Variants in ANK3 observed in about 807,000 individuals in gnomAD.
ANK3 encodes ankyrin-3.
In ANK3, 57 loss-of-function variants were observed where a neutral mutation model predicts 370.9. The ratio of observed to expected loss-of-function variants is 0.15; its 90% CI spans 0.12 to 0.19. The LOEUF is 0.19. Ranked by LOEUF, ANK3 falls within the 10% of genes least tolerant of loss-of-function variation. The pLI is 1.00. For missense variants in ANK3, 4,439 were observed against 5,302.1 expected (o/e 0.84, Z 5.06); for synonymous variants, 1,929 against 1,946.3 (o/e 0.99, Z 0.23).
intron 2 of ANK3, among the ~76,000 whole-genome samples, chr10:60,480,673 G>T (rs189021256): frequency 1.3e-5 from 2 of 152,254 alleles, no homozygotes; most frequent in South Asian, 2.1e-4. Context: ...CAGGGGGAAA[G>T]GTTTTCACAG....
chr10:60,425,174 T>A (rs1209896422), intron 2 of ANK3, among the ~76,000 whole-genome samples: 1 of 151,992 alleles, frequency 6.6e-6, no homozygotes, highest in Non-Finnish European at 1.5e-5. Context: ...TATATTCAGG[T>A]AGGAAGGCTG....
At chr10:60,474,873 G>A (rs1170239818) in intron 2 of ANK3, among the ~76,000 whole-genome samples, 1 of 151,952 alleles carries the variant, frequency 6.6e-6, no homozygotes, top group Admixed American at 6.6e-5. Flanking sequence ...TAAGTAGTGG[G>A]AATGTAGGAG....
intron 2 of ANK3, among the ~76,000 whole-genome samples, chr10:60,604,520 C>T (rs2078105078): frequency 6.6e-6 from 1 of 152,102 alleles, no homozygotes; most frequent in Admixed American, 6.6e-5. Flanking sequence ...TGATTGCTGG[C>T]TTGTGACAAA....
chr10:60,561,882 G>A (rs929956701), intron 2 of ANK3, among the ~76,000 whole-genome samples: 4 of 152,180 alleles, frequency 2.6e-5, no homozygotes, highest in African/African-American at 7.2e-5. Flanking sequence ...TTGTGTCTGA[G>A]CCCTAGCCTC....
chr10:60,532,844 G>C lies in ANK3; in HGVS notation c.96+82342C>G, dbSNP rs571642014. On this transcript the variant is annotated intron_variant, in intron 2 of 43. Coordinates refer to the ANK3 transcript ENST00000373827. Reference sequence around the variant, plus strand: ...GTGTAGGTGTCAGACAGACCTTTGAGCTGAGCAAGTTCTGCTGGGAAATGT... The same window carrying C: ...GTGTAGGTGTCAGACAGACCTTTGACCTGAGCAAGTTCTGCTGGGAAATGT... Among the ~76,000 whole-genome samples the C allele has an allele frequency of 7.2e-5, 11 of 152,178 alleles. No individual in the cohort carries two copies. The South Asian group carries it at 2.3e-3, about 32-fold the overall frequency.
At chr10:60,527,697 C>A (rs926471489) in intron 2 of ANK3, among the ~76,000 whole-genome samples, 1 of 152,138 alleles carries the variant, frequency 6.6e-6, no homozygotes, top group Non-Finnish European at 1.5e-5. Flanking sequence ...AGGAAATAAT[C>A]CCTGTACTTC....
intron 1 of ANK3, among the ~76,000 whole-genome samples, chr10:60,715,215 ATGTGTGTG>A (rs5785463): frequency 9.5e-5 from 14 of 147,296 alleles, no homozygotes; most frequent in South Asian, 6.6e-4. Flanking sequence ...ACATATACAA[ATGTGTGTG>A]TGTGTGTGTG....
intron 2 of ANK3, among the ~76,000 whole-genome samples, chr10:60,453,967 G>A (rs1173810357): frequency 6.6e-6 from 1 of 152,190 alleles, no homozygotes; most frequent in Non-Finnish European, 1.5e-5. Context: ...AATATGACTG[G>A]TTTATAGGTT....
At chr10:60,727,388 T>C (rs1439896741) in intron 1 of ANK3, among the ~76,000 whole-genome samples, 2 of 152,088 alleles carry the variant, frequency 1.3e-5, no homozygotes, top group East Asian at 1.9e-4. Flanking sequence ...AACTCATCTA[T>C]AGTGAAAGAG....
At chr10:60,116,458 AAAAC>A (rs1369774635) in intron 25 of ANK3, among the ~76,000 whole-genome samples, 2 of 152,224 alleles carry the variant, frequency 1.3e-5, no homozygotes, top group Non-Finnish European at 2.9e-5. Context: ...GTATAAAAAC[AAAAC>A]AAACAAGCAA....
intron 7 of ANK3, among the ~76,000 whole-genome samples, chr10:60,243,871 T>C (rs1178010827): frequency 2.6e-5 from 4 of 152,144 alleles, no homozygotes; most frequent in Non-Finnish European, 5.9e-5. Context: ...TAGAGGAGCA[T>C]GAGCTCAGAA....
intron 1 of ANK3, among the ~76,000 whole-genome samples, chr10:60,307,939 G>T (rs1370295633): frequency 6.6e-6 from 1 of 152,150 alleles, no homozygotes; most frequent in African/African-American, 2.4e-5. Context: ...AAAAGAAAAT[G>T]TGACAACAGC....
rs570030789 is a variant in ANK3, at chr10:60,572,797, C to T, written c.96+42389G>A. On this transcript the variant is annotated intron_variant, in intron 2 of 43. Coordinates refer to the ANK3 transcript ENST00000373827. ...TTCTAAAGAAAATCAATATTTTAGC[C>T]TTTCATTTTTAACTAATCGTTACCC... The T allele has an allele frequency of 7.3e-6, 9 of 1,227,490 alleles. No homozygotes were observed. The South Asian group carries it at 2.4e-4, about 32-fold the overall frequency. 76.0% of individuals were successfully genotyped at this position (1,227,490 alleles called of 1,614,324 possible).
chr10:60,440,340 T>A lies in ANK3; in HGVS notation c.97-160701A>T, dbSNP rs114391694. On this transcript the variant is annotated intron_variant, in intron 2 of 43. Coordinates refer to the ANK3 transcript ENST00000373827. ...GAAAATAGGTATACTTGACTCACAG[T>A]TATGCATGGCTGGGGAGGCCTCAGG... 6.5e-3 allele frequency among the ~76,000 whole-genome samples: 992 copies of A among 152,188 alleles called. 9 individuals are homozygous for A. Among genetic ancestry groups the A allele is most frequent in the African/African-American group, 0.023 (935 of 41,514 alleles).
intron 23 of ANK3, among the ~76,000 whole-genome samples, chr10:60,158,878 G>A (rs1389928348): frequency 3.3e-5 from 5 of 151,806 alleles, no homozygotes; most frequent in African/African-American, 1.2e-4. Context: ...GTTTCACCAT[G>A]TTGCCCAGGC....
At chr10:60,193,016 T>A (rs1301474505) in intron 16 of ANK3, among the ~76,000 whole-genome samples, 1 of 152,062 alleles carries the variant, frequency 6.6e-6, no homozygotes, top group African/African-American at 2.4e-5. Flanking sequence ...ATTATATGAC[T>A]GGCTTTGCTT....
intron 7 of ANK3, among the ~76,000 whole-genome samples, chr10:60,245,228 G>C (rs1186765902): frequency 1.3e-5 from 2 of 151,944 alleles, no homozygotes; most frequent in African/African-American, 2.4e-5. Context: ...TAGAAAATTA[G>C]AGAACTGAAT....
intron 1 of ANK3, among the ~76,000 whole-genome samples, chr10:60,327,965 G>A (rs145520972): frequency 2.8e-4 from 42 of 152,074 alleles, no homozygotes; most frequent in African/African-American, 9.4e-4. Flanking sequence ...AGTTTGGTAA[G>A]TTTGGCTGTA....
At chr10:60,170,051 T>C (rs921327815) in intron 21 of ANK3, among the ~76,000 whole-genome samples, 1 of 152,216 alleles carries the variant, frequency 6.6e-6, no homozygotes, top group Non-Finnish European at 1.5e-5. Flanking sequence ...GAAAATAGTA[T>C]TAGCAACCAA....
Sources: gnomAD v4.1 joint callset for allele counts (sites outside exome capture counted in the v4.1 genomes callset) on GRCh38, gnomAD v4.1.1 for gene constraint, MANE v1.5 for transcripts, NCBI Gene and HGNC (gene_info 2026-07-23, HGNC 2026-07-21) for gene names.